PCDH15: variants seen among roughly 807,000 people sequenced by gnomAD.
PCDH15 encodes the protein protocadherin related 15, also known as protocadherin-15.
Under a neutral mutation model 178.5 loss-of-function variants are expected in PCDH15, and 129 were observed. The observed-to-expected ratio is 0.72, with a 90% CI of 0.63 to 0.84. The LOEUF is 0.84. Ranked by LOEUF, PCDH15 falls within the 40% of genes least tolerant of loss-of-function variation. The probability of loss-of-function intolerance (pLI) is 0.00; values close to 1 mark genes in which losing one functional copy is unlikely to be tolerated. For missense variants in PCDH15, 2,230 were observed against 2,099.9 expected (o/e 1.06, Z -1.21); for synonymous variants, 800 against 732.0 (o/e 1.09, Z -1.50).
At chr10:55,045,827 T>C (rs1266203096) in intron 2 of PCDH15, among the ~76,000 whole-genome samples, 1 of 152,000 alleles carries the variant, frequency 6.6e-6, no homozygotes, top group Admixed American at 6.6e-5. Context: ...TGGAGATAAT[T>C]TTCCGCTATC....
chr10:54,910,481 A>G (rs1013474015), intron 2 of PCDH15, among the ~76,000 whole-genome samples: 5 of 152,214 alleles, frequency 3.3e-5, no homozygotes, highest in African/African-American at 4.8e-5. Flanking sequence ...AAAATAACAA[A>G]TAACATTTTG....
At chr10:55,210,057 A>G (rs1163682504) in intron 1 of PCDH15, among the ~76,000 whole-genome samples, 1 of 152,102 alleles carries the variant, frequency 6.6e-6, no homozygotes, top group Non-Finnish European at 1.5e-5. Flanking sequence ...AAGCTATCAT[A>G]GAAGCCAAAA....
At chr10:55,463,083 G>C (rs1565164198) in intron 2 of PCDH15, among the ~76,000 whole-genome samples, 1 of 150,182 alleles carries the variant, frequency 6.7e-6, no homozygotes. Flanking sequence ...ATATAGGAAA[G>C]GTCAGGATCC....
chr10:54,670,934 A>C (rs151083884), intron 1 of PCDH15, among the ~76,000 whole-genome samples: 48 of 152,264 alleles, frequency 3.2e-4, no homozygotes, highest in African/African-American at 1.2e-3. Context: ...ATTAGGAGAT[A>C]AATAAGTTTT....
chr10:54,175,345 CAG>C (rs1054226743), intron 13 of PCDH15, among the ~76,000 whole-genome samples: 1 of 152,102 alleles, frequency 6.6e-6, no homozygotes, highest in African/African-American at 2.4e-5. Flanking sequence ...ATTACAAAAA[CAG>C]AATTTAATAT....
At chr10:54,178,401 G>T (rs2133735748) in intron 13 of PCDH15, among the ~76,000 whole-genome samples, 1 of 152,208 alleles carries the variant, frequency 6.6e-6, no homozygotes, top group African/African-American at 2.4e-5. Flanking sequence ...GAAGCATGAA[G>T]AATTATATCT....
chr10:53,817,806 T>C (rs771628854), intron 34 of PCDH15, among the ~76,000 whole-genome samples, 189 bp downstream of exon 34: 2 of 152,146 alleles, frequency 1.3e-5, no homozygotes, highest in Admixed American at 6.5e-5. Flanking sequence ...GACCATTGAA[T>C]AAGAGATTTA....
intron 1 of PCDH15, among the ~76,000 whole-genome samples, chr10:55,225,995 T>A (rs1201127559): frequency 3.3e-5 from 5 of 152,120 alleles, no homozygotes; most frequent in African/African-American, 1.2e-4. Flanking sequence ...GCTTTCAGAA[T>A]GCTGAGTTAG....
chr10:54,757,248 C>T (rs1485711174), intron 1 of PCDH15, among the ~76,000 whole-genome samples: 5 of 150,128 alleles, frequency 3.3e-5, no homozygotes, highest in African/African-American at 1.2e-4. Flanking sequence ...GTCTATATCA[C>T]CTGTTTTTGG....
intron 14 of PCDH15, among the ~76,000 whole-genome samples, chr10:54,146,158 T>C (rs752574539): frequency 1.3e-5 from 2 of 152,158 alleles, no homozygotes; most frequent in Admixed American, 6.6e-5. Flanking sequence ...TTACTAATGA[T>C]AAACTTAGCA....
At chr10:54,964,688 A>G (rs1838737340) in intron 2 of PCDH15, among the ~76,000 whole-genome samples, 1 of 152,212 alleles carries the variant, frequency 6.6e-6, no homozygotes, top group East Asian at 1.9e-4. Context: ...TAATAATATC[A>G]CTGATAGCGT....
rs139848069 is a variant in PCDH15, at chr10:55,167,156, C to T, written c.-155-505G>A. Among the ~76,000 whole-genome samples the T allele has an allele frequency of 6.2e-3, 943 of 152,200 alleles. 15 individuals carry two copies. The highest frequency in any genetic ancestry group is 0.022 in the African/African-American group (900 of 41,526). On this transcript the variant is annotated intron_variant, in intron 1 of 5. Transcript: ENST00000458638. The stretch of plus-strand genomic sequence containing the variant: ...TGAGACAGGGTCTTGCCCTGTTGCC[C>T]AGATTGGAGTGCAGTGGCACAATCA...
chr10:53,850,895 C>T (rs1400413004), intron 28 of PCDH15, among the ~76,000 whole-genome samples: 2 of 151,958 alleles, frequency 1.3e-5, no homozygotes, highest in Admixed American at 1.3e-4. Context: ...GAGAAGACTA[C>T]ATAACAAAAG....
intron 2 of PCDH15, among the ~76,000 whole-genome samples, chr10:54,654,475 A>C (rs188361210): frequency 5.9e-5 from 9 of 152,318 alleles, no homozygotes; most frequent in Admixed American, 3.9e-4. Context: ...GTTTGCTGAA[A>C]TGCTACAAAA....
At chr10:55,264,933 A>G (rs1842241976) in intron 1 of PCDH15, among the ~76,000 whole-genome samples, 1 of 152,136 alleles carries the variant, frequency 6.6e-6, no homozygotes, top group Non-Finnish European at 1.5e-5. Flanking sequence ...CCAACAGTGT[A>G]AGATTGACCC....
At chr10:53,867,187 A>G (rs1255048697) in intron 26 of PCDH15, among the ~76,000 whole-genome samples, 2 of 151,960 alleles carry the variant, frequency 1.3e-5, no homozygotes, top group Non-Finnish European at 2.9e-5. Flanking sequence ...TCTACACTTT[A>G]TTTTTATGAG....
chr10:54,322,966 G>C (rs751730731), intron 7 of PCDH15, among the ~76,000 whole-genome samples: 2 of 152,062 alleles, frequency 1.3e-5, no homozygotes, highest in African/African-American at 4.8e-5. Context: ...CTATGCATCT[G>C]ACAAAGGTCT....
intron 1 of PCDH15, among the ~76,000 whole-genome samples, chr10:54,772,012 T>C (rs1949151834): frequency 6.6e-6 from 1 of 152,184 alleles, no homozygotes; most frequent in South Asian, 2.1e-4. Flanking sequence ...ATGCTATGAA[T>C]GTCAGCTGTT....
At chr10:53,978,585 T>C (rs1639017162) in intron 21 of PCDH15, among the ~76,000 whole-genome samples, 1 of 151,890 alleles carries the variant, frequency 6.6e-6, no homozygotes, top group African/African-American at 2.4e-5. Flanking sequence ...CCCATTGTCA[T>C]GGTGAGTAAC....
Sources: allele counts gnomAD v4.1 joint callset (sites outside exome capture counted in the v4.1 genomes callset), GRCh38; gene constraint gnomAD v4.1.1; transcripts MANE v1.5; gene names NCBI Gene and HGNC (gene_info 2026-07-23, HGNC 2026-07-21).